Variants in POU2AF1 observed in about 807,000 individuals in gnomAD.
The protein encoded by POU2AF1 is POU class 2 homeobox associating factor 1.
A neutral mutation model predicts 26.3 loss-of-function variants in POU2AF1; 12 were observed. That is an observed-to-expected ratio of 0.46 (90% CI 0.29 to 0.74). The LOEUF is 0.74. Ranked by LOEUF, POU2AF1 falls within the 30% of genes least tolerant of loss-of-function variation. The pLI is 0.09. For synonymous variants in POU2AF1, 175 were observed against 148.0 expected (o/e 1.18, Z -1.32); for missense variants, 297 against 334.5 (o/e 0.89, Z 0.87).
chr11:111,353,089 A>G lies in POU2AF1; in HGVS notation c.*1172T>C. On this transcript the variant is annotated 3_prime_UTR_variant, in exon 5 of 5. Transcript: ENST00000393067. ...AAACCCACATGGTAGCACTAAGCCT[A>G]GGCGAGGACCCATCACCTTTAGGCT... 1 of 226,476 alleles carries G rather than the reference A, an allele frequency of 4.4e-6. No individual in the cohort carries two copies. Among genetic ancestry groups the G allele is most frequent in the Non-Finnish European group, 8.8e-6 (1 of 113,720 alleles). 14.0% of individuals were successfully genotyped at this position (226,476 alleles called of 1,614,324 possible).
At chr11:111,376,377 C>T (rs928977382) in intron 1 of POU2AF1, among the ~76,000 whole-genome samples, 18 of 152,188 alleles carry the variant, frequency 1.2e-4, no homozygotes, top group African/African-American at 4.3e-4. Flanking sequence ...GGTAATTCTT[C>T]ACATGTGCAC....
At position 111,354,353 on chromosome 11, in the gene POU2AF1, C is replaced by T. The variant is rs201517624; in HGVS notation, c.679G>A (p.Ala227Thr). The change falls in exon 5 of 5, where the codon GCC becomes ACC. Residue 227 changes from alanine (A) to threonine (T), a missense_variant. Coordinates refer to ENST00000393067, the MANE Select transcript of POU2AF1 (RefSeq NM_006235.3). ...LQDMEDPRRA[A>T]SSLTIDKLLL... Reference sequence around the variant, plus strand: ...AGCTTGTCGATGGTCAACGAGCTGGCGGCTCTTCTGGGGTCTTCCATGTCC... The same window carrying T: ...AGCTTGTCGATGGTCAACGAGCTGGTGGCTCTTCTGGGGTCTTCCATGTCC... The T allele has an allele frequency of 3.7e-5, 60 of 1,614,100 alleles. 1 individual carries two copies. Among genetic ancestry groups the T allele is most frequent in the East Asian group, 3.6e-4 (16 of 44,894 alleles).
intron 1 of POU2AF1, 52 bp from the exon 2 acceptor site, chr11:111,358,970 AC>A: frequency 6.4e-7 from 1 of 1,554,072 alleles, no homozygotes. Context: ...ACGAGCCCCC[AC>A]CCCAAAGTGC....
At chr11:111,374,594 G>C (rs1247768744) in intron 1 of POU2AF1, among the ~76,000 whole-genome samples, 1 of 152,212 alleles carries the variant, frequency 6.6e-6, no homozygotes, top group Non-Finnish European at 1.5e-5. Flanking sequence ...TACACAGGAG[G>C]CTGAGGCAGG....
chr11:111,370,587 G>A (rs753437719), intron 1 of POU2AF1, among the ~76,000 whole-genome samples: 8 of 152,164 alleles, frequency 5.3e-5, no homozygotes, highest in African/African-American at 9.7e-5. Context: ...GGGGGAACAT[G>A]AGCAATCAGA....
rs915437053 is a variant in POU2AF1, at chr11:111,377,626, T to C, written c.16+1536A>G. On this transcript the variant is annotated intron_variant, in intron 1 of 4. Coordinates refer to ENST00000393067, the MANE Select transcript of POU2AF1 (RefSeq NM_006235.3). Reference sequence around the variant, plus strand: ...ACTTAACATACAAAAAACCTAAGGATTGAGAAAAAGGAAAGTGGCTTGCTC... The same window carrying C: ...ACTTAACATACAAAAAACCTAAGGACTGAGAAAAAGGAAAGTGGCTTGCTC... 2.4e-5 allele frequency: 4 copies of C among 167,036 alleles called. No individual in the cohort carries two copies. The Admixed American group carries it at 2.6e-4, about 11-fold the overall frequency. The allele number at this position is 167,036 out of a possible 1,614,324, so 10.3% of individuals were successfully genotyped here.
chr11:111,367,832 G>A (rs947699806), intron 1 of POU2AF1, among the ~76,000 whole-genome samples: 7 of 152,278 alleles, frequency 4.6e-5, no homozygotes, highest in Middle Eastern at 3.4e-3. Flanking sequence ...ACAATTCCCC[G>A]CAAGGTTTTA....
chr11:111,352,480 C>CT lies in POU2AF1; in HGVS notation c.*1780dup, dbSNP rs1237278330. 2.2e-5 allele frequency: 4 copies of CT among 185,250 alleles called. No homozygotes were observed. Among genetic ancestry groups the CT allele is most frequent in the African/African-American group, 9.4e-5 (4 of 42,638 alleles). The allele number at this position is 185,250 out of a possible 1,614,324, so 11.5% of individuals were successfully genotyped here. On this transcript the variant is annotated 3_prime_UTR_variant, in exon 5 of 5. Coordinates refer to ENST00000393067, the MANE Select transcript of POU2AF1 (RefSeq NM_006235.3). ...GCACACCTGCTAACAACTCAGTCTC[C>CT]TACAAACCTGATGTTTCTCCAGCAA...
Position 111,357,541 on chromosome 11 carries a change from A to G in POU2AF1, c.360T>C (p.Ala120=). The change falls in exon 4 of 5, where the codon GCT becomes GCC. Residue 120 remains alanine, a synonymous_variant. Transcript: ENST00000393067. ...GGCACACGGGCTGCACATACATGTCAGCTGAGTAGGGGCAGCTGACAGCTT... is the reference window on the plus strand; with the variant it reads ...GGCACACGGGCTGCACATACATGTCGGCTGAGTAGGGGCAGCTGACAGCTT... ...PHEAVSCPYS[A]DMYVQPVCPS... is the part of the protein sequence containing the mutation. The G allele has an allele frequency of 6.2e-7, 1 of 1,614,144 alleles. No homozygotes were observed. The highest frequency in any genetic ancestry group is 1.1e-5 in the South Asian group (1 of 91,076).
Position 111,378,777 on chromosome 11 carries a change from C to T in POU2AF1, c.16+385G>A, listed in dbSNP as rs11213861. 3.7e-3 allele frequency among the ~76,000 whole-genome samples: 562 copies of T among 152,296 alleles called. 4 individuals are homozygous for T. The highest frequency in any genetic ancestry group is 0.013 in the African/African-American group (527 of 41,562). On this transcript the variant is annotated intron_variant, in intron 1 of 4. Coordinates refer to ENST00000393067, the MANE Select transcript of POU2AF1 (RefSeq NM_006235.3). ...AGCCACTGCTTATGGAAATAAAGCCCCTCCTGTAAAGAACTGCATGGCTTT... is the reference window on the plus strand; with the variant it reads ...AGCCACTGCTTATGGAAATAAAGCCTCTCCTGTAAAGAACTGCATGGCTTT...
At chr11:111,358,658 T>C in intron 2 of POU2AF1, 130 bp downstream of exon 2, 1 of 1,134,548 alleles carries the variant, frequency 8.8e-7, no homozygotes, top group Non-Finnish European at 1.3e-6. Context: ...TCTCACACAC[T>C]CTATCACACA....
rs1422890310 is a variant in POU2AF1 at position 111,354,279 on chromosome 11, G to C, written c.753C>G (p.Leu251=). 1.2e-6 allele frequency: 2 copies of C among 1,614,196 alleles called. No homozygotes were observed. Among genetic ancestry groups the C allele is most frequent in the East Asian group, 2.2e-5 (1 of 44,886 alleles). ...GCCACGCCTAAAAGCCTTCCACAGAGAGAGTGTGGTTAAGCGCATAGGCGT... is the reference window on the plus strand; with the variant it reads ...GCCACGCCTAAAAGCCTTCCACAGACAGAGTGTGGTTAAGCGCATAGGCGT... ...DSDAYALNHT[L]SVEGF is the part of the protein sequence containing the mutation. Residue 251 remains leucine (L), a synonymous_variant, in exon 5 of 5, where the codon CTC becomes CTG. Transcript: ENST00000393067.
intron 1 of POU2AF1, among the ~76,000 whole-genome samples, chr11:111,376,661 C>G (rs1327212226): frequency 1.3e-5 from 2 of 152,050 alleles, no homozygotes; most frequent in Non-Finnish European, 2.9e-5. Flanking sequence ...TTTCCAGAAC[C>G]CCATAGTACA....
At chr11:111,362,964 TG>T in intron 1 of POU2AF1, 1 of 211,060 alleles carries the variant, frequency 4.7e-6, no homozygotes, top group South Asian at 1.7e-4. Context: ...ACCACACACT[TG>T]GCTGGAAAGG....
chr11:111,373,182 G>C (rs1172209240), intron 1 of POU2AF1, among the ~76,000 whole-genome samples: 1 of 152,214 alleles, frequency 6.6e-6, no homozygotes, highest in Non-Finnish European at 1.5e-5. Flanking sequence ...TGATCCAACA[G>C]AACATTTTGT....
chr11:111,378,452 G>C (rs2135145065), intron 1 of POU2AF1, among the ~76,000 whole-genome samples: 1 of 152,308 alleles, frequency 6.6e-6, no homozygotes, highest in East Asian at 1.9e-4. Flanking sequence ...TATTAGTAAG[G>C]TAAGTCGCTG....
chr11:111,372,067 C>G (rs144581339), intron 1 of POU2AF1, among the ~76,000 whole-genome samples: 98,125 of 143,730 alleles, frequency 0.68, 34,114 homozygotes, highest in Admixed American at 0.79. Context: ...CACACACACA[C>G]ACAGAGAGAG....
rs115429636 is a variant in POU2AF1, at chr11:111,364,962, G to T, written c.17-6044C>A. 5.7e-3 allele frequency among the ~76,000 whole-genome samples: 874 copies of T among 152,340 alleles called. 7 individuals are homozygous for T. The highest frequency in any genetic ancestry group is 0.02 in the African/African-American group (816 of 41,568). On this transcript the variant is annotated intron_variant, in intron 1 of 4. Coordinates refer to ENST00000393067, the MANE Select transcript of POU2AF1 (RefSeq NM_006235.3). ...GGAGGAGGCAAATGGATATCCAGTTGTTTGTTCCTTGATTTAAGCAATATC... is the reference window on the plus strand; with the variant it reads ...GGAGGAGGCAAATGGATATCCAGTTTTTTGTTCCTTGATTTAAGCAATATC...
chr11:111,374,451 CT>C (rs1455634502), intron 1 of POU2AF1, among the ~76,000 whole-genome samples: 2 of 152,186 alleles, frequency 1.3e-5, no homozygotes, highest in Admixed American at 6.5e-5. Flanking sequence ...AATCCCAGCA[CT>C]TTGGGAGGCC....
Sources: gnomAD v4.1 joint callset for allele counts (sites outside exome capture counted in the v4.1 genomes callset) on GRCh38, gnomAD v4.1.1 for gene constraint, MANE v1.5 for transcripts, NCBI Gene and HGNC (gene_info 2026-07-23, HGNC 2026-07-21) for gene names.